The following NOL4 variants were observed in gnomAD, a reference collection of about 807,000 sequenced individuals.
NOL4 encodes nucleolar protein 4, also known as cancer/testis antigen 125.
In NOL4, 17 loss-of-function variants were observed where a neutral mutation model predicts 75.9. That is an observed-to-expected ratio of 0.22 (90% CI 0.15 to 0.34). The LOEUF (loss-of-function observed/expected upper bound fraction) is 0.34, where lower values mean the gene tolerates loss of function less well. NOL4 is among the 10% of genes least tolerant of loss of function. The pLI is 1.00. For missense variants in NOL4, 614 were observed against 793.5 expected, an observed-to-expected ratio of 0.77 and a Z score of 2.72; for synonymous variants, 292 against 289.9, an observed-to-expected ratio of 1.01 and a Z score of -0.07.
chr18:34,052,618 G>A (rs746777918), intron 5 of NOL4, among the ~76,000 whole-genome samples: 2 of 152,024 alleles, frequency 1.3e-5, no homozygotes, highest in Admixed American at 6.6e-5. Context: ...GCAATCATGT[G>A]CAATGTATTA....
chr18:33,964,766 G>A (rs567308160), intron 6 of NOL4, among the ~76,000 whole-genome samples: 1 of 152,230 alleles, frequency 6.6e-6, no homozygotes, highest in East Asian at 1.9e-4. Context: ...CACTTGTCTG[G>A]AGCTAAATTC....
intron 1 of NOL4, among the ~76,000 whole-genome samples, chr18:34,141,768 C>T (rs376996546): frequency 1.3e-5 from 2 of 152,134 alleles, no homozygotes. Context: ...AGGACATAGG[C>T]ATGGGCAAGG....
At chr18:33,954,011 T>C (rs1464056921) in intron 8 of NOL4, among the ~76,000 whole-genome samples, 1 of 152,160 alleles carries the variant, frequency 6.6e-6, no homozygotes, top group Non-Finnish European at 1.5e-5. Flanking sequence ...GGTCATGTGA[T>C]CTTTATAAGA....
intron 2 of NOL4, among the ~76,000 whole-genome samples, chr18:34,116,082 A>C (rs1300993573): frequency 6.6e-6 from 1 of 152,222 alleles, no homozygotes; most frequent in African/African-American, 2.4e-5. Flanking sequence ...TTAGAAGTAG[A>C]AATGACCTCT....
chr18:34,200,650 C>A (rs1202221476), intron 1 of NOL4, among the ~76,000 whole-genome samples: 4 of 151,592 alleles, frequency 2.6e-5, no homozygotes. Context: ...ATAATATATT[C>A]ATATATTACA....
intron 9 of NOL4, among the ~76,000 whole-genome samples, chr18:33,941,057 T>C (rs1284938597): frequency 6.6e-5 from 10 of 152,008 alleles, no homozygotes; most frequent in African/African-American, 1.2e-4. Context: ...TTAGTACCAG[T>C]GTGAGATTTG....
chr18:33,887,044 A>G (rs2064763336), intron 9 of NOL4, among the ~76,000 whole-genome samples: 1 of 135,844 alleles, frequency 7.4e-6, no homozygotes, highest in Admixed American at 7.6e-5. Flanking sequence ...TATTATATCT[A>G]GATCTAATAT....
intron 1 of NOL4, among the ~76,000 whole-genome samples, chr18:34,201,019 T>A (rs1022613735): frequency 3.3e-5 from 5 of 151,572 alleles, no homozygotes; most frequent in African/African-American, 1.2e-4. Flanking sequence ...CTGCTCTATA[T>A]AGGGTTGATG....
At chr18:34,189,523 G>A (rs895980590) in intron 1 of NOL4, among the ~76,000 whole-genome samples, 6 of 151,948 alleles carry the variant, frequency 3.9e-5, no homozygotes, top group African/African-American at 9.7e-5. Flanking sequence ...CTATATAAGA[G>A]GCCCTATTCT....
At chr18:34,142,025 T>A (rs886251083) in intron 1 of NOL4, among the ~76,000 whole-genome samples, 3 of 152,074 alleles carry the variant, frequency 2.0e-5, no homozygotes, top group Non-Finnish European at 4.4e-5. Context: ...GCAAAGGACA[T>A]GAACAGACAC....
rs755022336 is a variant in NOL4, at chr18:34,105,071, G to A, written c.504C>T (p.Asn168=). The A allele has an allele frequency of 3.7e-6, 6 of 1,610,134 alleles. No homozygotes were observed. Among genetic ancestry groups the A allele is most frequent in the Non-Finnish European group, 5.1e-6 (6 of 1,176,818 alleles). The change falls in exon 3 of 11, where the codon AAC becomes AAT. Residue 168 remains asparagine, a synonymous_variant. Transcript: ENST00000261592. ...TACCTTTATGATCTGTTCCATCTGGGTTTAAATGCATTCTTTTCTGGCACT... is the reference window on the plus strand; with the variant it reads ...TACCTTTATGATCTGTTCCATCTGGATTTAAATGCATTCTTTTCTGGCACT... ...CSECQKRMHL[N]PDGTDHKDNG...
chr18:33,986,703 A>G (rs2072486645), intron 6 of NOL4, among the ~76,000 whole-genome samples: 1 of 152,188 alleles, frequency 6.6e-6, no homozygotes, highest in South Asian at 2.1e-4. Flanking sequence ...CACTTTGACA[A>G]TCAGTTGGGC....
chr18:34,084,745 A>G (rs1310626438), intron 5 of NOL4, among the ~76,000 whole-genome samples: 12 of 152,164 alleles, frequency 7.9e-5, no homozygotes. Flanking sequence ...CTTTCTTTAT[A>G]TCACCCACAA....
chr18:34,042,658 T>C (rs1356861510), intron 5 of NOL4, among the ~76,000 whole-genome samples: 1 of 152,052 alleles, frequency 6.6e-6, no homozygotes, highest in Non-Finnish European at 1.5e-5. Flanking sequence ...TTATTAAGCA[T>C]CCGGTGCAGC....
rs2075975975 is a variant in NOL4, at chr18:34,037,831, T to C, written c.773-18230A>G. ...TGTAAGGAAAACATTTCAAGACTGG[T>C]CTAGGCAAAGGTTTCACAGCTAAGA... On this transcript the variant is annotated intron_variant, in intron 5 of 10. Coordinates refer to ENST00000261592, the MANE Select transcript of NOL4 (RefSeq NM_003787.5). Among the ~76,000 whole-genome samples the C allele has an allele frequency of 2.0e-5, 3 of 152,104 alleles. No individual in the cohort carries two copies. In the South Asian group the frequency reaches 6.2e-4, roughly 32 times the overall value.
intron 9 of NOL4, among the ~76,000 whole-genome samples, chr18:33,908,733 G>A (rs991124363): frequency 5.9e-5 from 9 of 152,054 alleles, no homozygotes; most frequent in African/African-American, 1.9e-4. Context: ...TTAATGTGAA[G>A]TTAAATTTTA....
At chr18:34,044,210 G>T (rs1260736874) in intron 5 of NOL4, among the ~76,000 whole-genome samples, 1 of 151,942 alleles carries the variant, frequency 6.6e-6, no homozygotes, top group Admixed American at 6.6e-5. Context: ...AATTGTTGAT[G>T]CTGTTATTGT....
At chr18:34,070,892 T>C (rs2077484630) in intron 5 of NOL4, among the ~76,000 whole-genome samples, 2 of 152,104 alleles carry the variant, frequency 1.3e-5, no homozygotes, top group South Asian at 4.1e-4. Context: ...TATGAACAAG[T>C]GTAATATATA....
chr18:33,861,631 A>G (rs1175850517), intron 10 of NOL4, among the ~76,000 whole-genome samples: 2 of 152,166 alleles, frequency 1.3e-5, no homozygotes, highest in Non-Finnish European at 1.5e-5. Context: ...AATAACAGAC[A>G]AACAGAGAGC....
Sources: gnomAD v4.1 joint callset for allele counts (sites outside exome capture counted in the v4.1 genomes callset) on GRCh38, gnomAD v4.1.1 for gene constraint, MANE v1.5 for transcripts, NCBI Gene and HGNC (gene_info 2026-07-23, HGNC 2026-07-21) for gene names.